The following ST18 variants were observed in gnomAD, a reference collection of about 807,000 sequenced individuals.
ST18 encodes suppression of tumorigenicity 18 protein.
ST18 carries 50 observed loss-of-function variants against 110.0 expected under a neutral mutation model. That is an observed-to-expected ratio of 0.45 (90% CI 0.36 to 0.58). ST18 has a LOEUF of 0.58. Ranked by LOEUF, ST18 falls within the 20% of genes least tolerant of loss-of-function variation. The pLI is 0.00. For synonymous variants in ST18, 461 were observed against 452.4 expected (o/e 1.02, Z -0.24); for missense variants, 1,306 against 1,280.1 (o/e 1.02, Z -0.31).
chr8:52,230,021 C>T lies in ST18; in HGVS notation c.-419+11G>A, dbSNP rs539093074. 4 of 152,600 alleles carry T rather than the reference C, an allele frequency of 2.6e-5. No homozygotes were observed. In the East Asian group the frequency reaches 7.7e-4, roughly 29 times the overall value. The allele number at this position is 152,600 out of a possible 1,614,324, so 9.5% of individuals were successfully genotyped here. ...GGGGGAAAAGTTTATTTTTAAATAG[C>T]TTTTACTTACCTTCCCTAAAAGCTA... On this transcript the variant is annotated intron_variant, in intron 3 of 25. Coordinates refer to ENST00000689386, the MANE Select transcript of ST18 (RefSeq NM_001352837.2).
rs78384630 is a variant in ST18, at chr8:52,138,262, G to A, written c.2169-779C>T. On this transcript the variant is annotated intron_variant, in intron 17 of 25. Coordinates refer to ENST00000689386, the MANE Select transcript of ST18 (RefSeq NM_001352837.2). Reference sequence around the variant, plus strand: ...GAGTTTTTAAGAGCAAGGCAACCTAGTAACTTTATAAACATTTTAGAAACC... The same window carrying A: ...GAGTTTTTAAGAGCAAGGCAACCTAATAACTTTATAAACATTTTAGAAACC... Among the ~76,000 whole-genome samples, 5 of 152,150 alleles carry A rather than the reference G, an allele frequency of 3.3e-5. No homozygotes were observed. In the East Asian group the frequency reaches 9.6e-4, roughly 29 times the overall value.
intron 2 of ST18, among the ~76,000 whole-genome samples, chr8:52,282,006 T>C (rs964218307): frequency 2.0e-5 from 3 of 152,192 alleles, no homozygotes; most frequent in Non-Finnish European, 2.9e-5. Flanking sequence ...CTTATTCATG[T>C]AACCAAACAC....
chr8:52,306,057 A>T (rs2095807647), intron 2 of ST18, among the ~76,000 whole-genome samples: 1 of 152,122 alleles, frequency 6.6e-6, no homozygotes, highest in Non-Finnish European at 1.5e-5. Flanking sequence ...CCACTCGGCC[A>T]CATTGGCCTG....
intron 2 of ST18, among the ~76,000 whole-genome samples, chr8:52,340,698 A>C (rs1814549053): frequency 6.6e-6 from 1 of 152,202 alleles, no homozygotes; most frequent in South Asian, 2.1e-4. Flanking sequence ...ACTGCTAGAA[A>C]ACACGAGCTA....
At chr8:52,234,363 C>T (rs937682564) in intron 2 of ST18, among the ~76,000 whole-genome samples, 4 of 152,124 alleles carry the variant, frequency 2.6e-5, no homozygotes, top group Non-Finnish European at 5.9e-5. Context: ...CCCCCGGATT[C>T]AAGTGATTCT....
chr8:52,374,530 T>TCA (rs1328121955), intron 2 of ST18, among the ~76,000 whole-genome samples: 12 of 152,096 alleles, frequency 7.9e-5, no homozygotes, highest in South Asian at 2.1e-4. Context: ...TCATTTCATT[T>TCA]TATTTTATTT....
intron 2 of ST18, among the ~76,000 whole-genome samples, chr8:52,281,889 G>A (rs768797075): frequency 3.9e-5 from 6 of 152,150 alleles, no homozygotes; most frequent in Admixed American, 1.3e-4. Context: ...TTGGGGACTC[G>A]GGGAAATGGT....
At chr8:52,333,823 T>C (rs1219393146) in intron 2 of ST18, among the ~76,000 whole-genome samples, 2 of 152,254 alleles carry the variant, frequency 1.3e-5, no homozygotes, top group Non-Finnish European at 2.9e-5. Context: ...ATAGAATATC[T>C]CACTTGTACA....
chr8:52,258,939 C>A (rs987295552), intron 2 of ST18, among the ~76,000 whole-genome samples: 3 of 152,136 alleles, frequency 2.0e-5, no homozygotes, highest in African/African-American at 4.8e-5. Flanking sequence ...ATTGGTGTAA[C>A]CCCTAGGGAG....
chr8:52,282,209 G>A (rs2095392692), intron 2 of ST18, among the ~76,000 whole-genome samples: 1 of 151,576 alleles, frequency 6.6e-6, no homozygotes, highest in South Asian at 2.1e-4. Context: ...AAACCAGGAG[G>A]AAAAAAAGAA....
At chr8:52,180,630 C>T (rs901784771) in intron 8 of ST18, among the ~76,000 whole-genome samples, 1 of 151,844 alleles carries the variant, frequency 6.6e-6, no homozygotes, top group African/African-American at 2.4e-5. Flanking sequence ...TTTGCTAATC[C>T]TAAGAAACAG....
At chr8:52,117,110 G>A (rs1255161499) in intron 24 of ST18, among the ~76,000 whole-genome samples, 1 of 152,210 alleles carries the variant, frequency 6.6e-6, no homozygotes, top group Non-Finnish European at 1.5e-5. Context: ...GATGCCCCGT[G>A]TGAGCTGCCT....
At position 52,162,092 on chromosome 8, in the gene ST18, T is replaced by C. The variant is rs538554302; in HGVS notation, c.1401-524A>G. On this transcript the variant is annotated intron_variant, in intron 13 of 25. Coordinates refer to ENST00000689386, the MANE Select transcript of ST18 (RefSeq NM_001352837.2). The stretch of plus-strand genomic sequence containing the variant: ...CAGGTGTGGTGGCACACATCTGTAA[T>C]CCCAGCTACTCAGGAGGCTGAGGCA... Among the ~76,000 whole-genome samples the C allele has an allele frequency of 3.3e-5, 5 of 152,168 alleles. No homozygotes were observed. The East Asian group carries it at 9.7e-4, about 30-fold the overall frequency.
At position 52,173,897 on chromosome 8, in the gene ST18, C is replaced by G. The variant is rs1474002274; in HGVS notation, c.278-1314G>C. Among the ~76,000 whole-genome samples, 4 of 152,124 alleles carry G rather than the reference C, an allele frequency of 2.6e-5. No individual in the cohort carries two copies. The East Asian group carries it at 7.7e-4, about 29-fold the overall frequency. ...GCGGAAGACAATGTGTCTTTTTGGT[C>G]TCATTTAATTTTTTATAAACATTGT... On this transcript the variant is annotated intron_variant, in intron 9 of 25. Transcript: ENST00000689386.
At position 52,257,478 on chromosome 8, in the gene ST18, G is replaced by A. The variant is rs926216756; in HGVS notation, c.-464-27401C>T. On this transcript the variant is annotated intron_variant, in intron 2 of 25. Coordinates refer to ENST00000689386, the MANE Select transcript of ST18 (RefSeq NM_001352837.2). ...CTATCTTTTCTATTATGGTTGTTTC[G>A]GTGGGTGTGAGGTGGCATTGCACTG... Among the ~76,000 whole-genome samples the A allele has an allele frequency of 2.5e-4, 38 of 151,970 alleles. 1 individual carries two copies. Among genetic ancestry groups the A allele is most frequent in the African/African-American group, 6.3e-4 (26 of 41,468 alleles).
At chr8:52,229,134 C>T (rs1163121780) in intron 3 of ST18, among the ~76,000 whole-genome samples, 1 of 152,174 alleles carries the variant, frequency 6.6e-6, no homozygotes, top group Non-Finnish European at 1.5e-5. Context: ...CATTCAAATA[C>T]AGGAATTTAC....
chr8:52,303,617 TC>T (rs1213474455), intron 2 of ST18, among the ~76,000 whole-genome samples: 2 of 152,274 alleles, frequency 1.3e-5, no homozygotes, highest in East Asian at 3.9e-4. Context: ...TTGATAAGCC[TC>T]AATGAAGAGG....
At chr8:52,135,466 C>T (rs1161704111) in intron 19 of ST18, among the ~76,000 whole-genome samples, 1 of 149,240 alleles carries the variant, frequency 6.7e-6, no homozygotes, top group East Asian at 2.0e-4. Flanking sequence ...GAGGCTGAGA[C>T]AGGCAATCGC....
chr8:52,354,873 A>G (rs1821988477), intron 2 of ST18, among the ~76,000 whole-genome samples: 1 of 152,266 alleles, frequency 6.6e-6, no homozygotes, highest in Admixed American at 6.5e-5. Flanking sequence ...TAGAGCACAA[A>G]TATGGGCTCC....
Sources: allele counts gnomAD v4.1 joint callset (sites outside exome capture counted in the v4.1 genomes callset), GRCh38; gene constraint gnomAD v4.1.1; transcripts MANE v1.5; gene names NCBI Gene and HGNC (gene_info 2026-07-23, HGNC 2026-07-21).